The following UNC5D variants were observed in gnomAD, a reference collection of about 807,000 sequenced individuals.
The protein encoded by UNC5D is netrin receptor UNC5D.
UNC5D carries 39 observed loss-of-function variants against 105.4 expected under a neutral mutation model. The observed-to-expected ratio is 0.37, with a 90% confidence interval of 0.29 to 0.48. UNC5D has a LOEUF of 0.48. Among genes scored for constraint, UNC5D ranks in the 20% least tolerant of loss-of-function variants. UNC5D has a pLI of 0.98. For synonymous variants in UNC5D, 452 were observed against 450.4 expected, an observed-to-expected ratio of 1.00 and a Z score of -0.04; for missense variants, 991 against 1,202.4, an observed-to-expected ratio of 0.82 and a Z score of 2.60.
intron 1 of UNC5D, among the ~76,000 whole-genome samples, chr8:35,248,663 AAT>A (rs1162707845): frequency 4.9e-5 from 5 of 102,056 alleles, no homozygotes; most frequent in Admixed American, 1.5e-4. Context: ...TATAAATATA[AAT>A]ATATGTTATA....
At chr8:35,573,751 A>C (rs1184288613) in intron 3 of UNC5D, among the ~76,000 whole-genome samples, 1 of 152,160 alleles carries the variant, frequency 6.6e-6, no homozygotes, top group East Asian at 1.9e-4. Flanking sequence ...ACATGCATGC[A>C]TGCACACACA....
At chr8:35,600,986 A>C (rs997257062) in intron 4 of UNC5D, among the ~76,000 whole-genome samples, 3 of 152,032 alleles carry the variant, frequency 2.0e-5, no homozygotes. Context: ...ATAAGGTGTA[A>C]GGAAGGGATC....
chr8:35,589,484 A>G lies in UNC5D; in HGVS notation c.467-6070A>G, dbSNP rs146439177. ...ATGAATTCTTTTTAATAATAACTGTACTGAGATATAATCCACATACCATGC... is the reference window on the plus strand; with the variant it reads ...ATGAATTCTTTTTAATAATAACTGTGCTGAGATATAATCCACATACCATGC... On this transcript the variant is annotated intron_variant, in intron 3 of 16. Coordinates refer to ENST00000404895, the MANE Select transcript of UNC5D (RefSeq NM_080872.4). Among the ~76,000 whole-genome samples the G allele has an allele frequency of 1.8e-4, 28 of 151,446 alleles. No homozygotes were observed. In the South Asian group the frequency reaches 4.6e-3, roughly 25 times the overall value.
chr8:35,369,716 A>G (rs1802320594), intron 1 of UNC5D, among the ~76,000 whole-genome samples: 1 of 152,112 alleles, frequency 6.6e-6, no homozygotes, highest in Admixed American at 6.5e-5. Flanking sequence ...GGAATGATCT[A>G]TAGATAACTC....
At chr8:35,469,959 T>C (rs1809584951) in intron 1 of UNC5D, among the ~76,000 whole-genome samples, 1 of 152,210 alleles carries the variant, frequency 6.6e-6, no homozygotes, top group Non-Finnish European at 1.5e-5. Flanking sequence ...ACATAATTAT[T>C]AAGCCACTCC....
At chr8:35,292,109 A>T (rs1365204831) in intron 1 of UNC5D, among the ~76,000 whole-genome samples, 1 of 152,238 alleles carries the variant, frequency 6.6e-6, no homozygotes, top group Non-Finnish European at 1.5e-5. Flanking sequence ...AAGTCAAAAT[A>T]GCTAGAAGGA....
At chr8:35,418,180 A>G (rs1046192539) in intron 1 of UNC5D, among the ~76,000 whole-genome samples, 1 of 151,960 alleles carries the variant, frequency 6.6e-6, no homozygotes, top group African/African-American at 2.4e-5. Flanking sequence ...TTTGTCTCTT[A>G]CTGCCCAGGG....
At chr8:35,747,614 T>A (rs1312190312) in intron 11 of UNC5D, among the ~76,000 whole-genome samples, 1 of 152,158 alleles carries the variant, frequency 6.6e-6, no homozygotes. Flanking sequence ...GAAGAACACA[T>A]ATGCCATTGG....
chr8:35,652,300 A>G (rs1211479225), intron 4 of UNC5D, among the ~76,000 whole-genome samples: 1 of 152,232 alleles, frequency 6.6e-6, no homozygotes, highest in Non-Finnish European at 1.5e-5. Context: ...TTTCAAAGTC[A>G]TCTACTTATT....
At chr8:35,727,753 T>C (rs1373422319) in intron 10 of UNC5D, 1 of 152,182 alleles carries the variant, frequency 6.6e-6, no homozygotes, top group African/African-American at 2.4e-5. Context: ...TTTGTTCAAA[T>C]GTGTATGCGT....
chr8:35,586,767 G>T (rs1182542747), intron 3 of UNC5D, among the ~76,000 whole-genome samples: 2 of 152,238 alleles, frequency 1.3e-5, no homozygotes, highest in African/African-American at 4.8e-5. Context: ...TTAAAAAAAT[G>T]ACTATGATTT....
chr8:35,372,465 G>A (rs1199452755), intron 1 of UNC5D, among the ~76,000 whole-genome samples: 1 of 151,992 alleles, frequency 6.6e-6, no homozygotes, highest in Non-Finnish European at 1.5e-5. Context: ...TGTATATTTT[G>A]GGGGGTTATG....
intron 1 of UNC5D, among the ~76,000 whole-genome samples, chr8:35,351,380 T>G (rs1034215238): frequency 1.3e-5 from 2 of 152,156 alleles, no homozygotes; most frequent in Non-Finnish European, 2.9e-5. Context: ...TTAAAGCAAC[T>G]GAACTCAGAA....
chr8:35,261,484 G>A (rs888255502), intron 1 of UNC5D, among the ~76,000 whole-genome samples: 3 of 152,148 alleles, frequency 2.0e-5, no homozygotes, highest in African/African-American at 7.2e-5. Context: ...ATGTGCATGT[G>A]GCATAAATAG....
Position 35,485,399 on chromosome 8 carries a change from T to C in UNC5D, c.104-63893T>C, listed in dbSNP as rs185094942. ...GTATTCATATTTTCAGATTCCAGAATGTTAGGAAGAATCCTGGCTTATATC... is the reference window on the plus strand; with the variant it reads ...GTATTCATATTTTCAGATTCCAGAACGTTAGGAAGAATCCTGGCTTATATC... On this transcript the variant is annotated intron_variant, in intron 1 of 16. Transcript: ENST00000404895. Among the ~76,000 whole-genome samples, 4 of 152,336 alleles carry C rather than the reference T, an allele frequency of 2.6e-5. No homozygotes were observed. The East Asian group carries it at 5.8e-4, about 22-fold the overall frequency.
chr8:35,602,716 GTCTA>G (rs887313741), intron 4 of UNC5D, among the ~76,000 whole-genome samples: 17 of 152,172 alleles, frequency 1.1e-4, no homozygotes, highest in African/African-American at 3.1e-4. Flanking sequence ...CTTGCTAGCA[GTCTA>G]TCTATTTTTT....
At chr8:35,744,273 C>T (rs993879066) in intron 11 of UNC5D, among the ~76,000 whole-genome samples, 7 of 152,176 alleles carry the variant, frequency 4.6e-5, no homozygotes, top group South Asian at 4.1e-4. Context: ...TTCCTGGGAA[C>T]GTTAACTTGG....
chr8:35,304,434 A>G (rs1167609063), intron 1 of UNC5D, among the ~76,000 whole-genome samples: 6 of 152,094 alleles, frequency 3.9e-5, no homozygotes, highest in Admixed American at 3.9e-4. Context: ...AAAAAAATTG[A>G]ATGACATGCC....
At chr8:35,262,810 A>T (rs1301733090) in intron 1 of UNC5D, among the ~76,000 whole-genome samples, 2 of 152,194 alleles carry the variant, frequency 1.3e-5, no homozygotes, top group Non-Finnish European at 2.9e-5. Context: ...TCCCTTCCTA[A>T]GTTCAAGATG....
Sources: gnomAD v4.1 joint callset for allele counts (sites outside exome capture counted in the v4.1 genomes callset) on GRCh38, gnomAD v4.1.1 for gene constraint, MANE v1.5 for transcripts, NCBI Gene and HGNC (gene_info 2026-07-23, HGNC 2026-07-21) for gene names.